WWOX: variants seen among roughly 807,000 people sequenced by gnomAD.
WWOX encodes WW domain containing oxidoreductase.
A neutral mutation model predicts 46.2 loss-of-function variants in WWOX; 69 were observed. That is an observed-to-expected ratio of 1.49 (90% CI 1.23 to 1.82). The LOEUF (loss-of-function observed/expected upper bound fraction) is 1.82, where lower values mean the gene tolerates loss of function less well. WWOX is among the 40% of genes most tolerant of loss of function. WWOX has a pLI of 0.00. For missense variants in WWOX, 919 were observed against 542.6 expected (o/e 1.69, Z -6.89); for synonymous variants, 359 against 202.6 (o/e 1.77, Z -6.56).
intron 8 of WWOX, among the ~76,000 whole-genome samples, chr16:79,021,470 T>C (rs974821112): frequency 6.6e-6 from 1 of 152,174 alleles, no homozygotes; most frequent in Non-Finnish European, 1.5e-5. Context: ...TAAAATACAG[T>C]TGTCAAAATA....
chr16:78,577,282 C>G (rs1159416021), intron 8 of WWOX, among the ~76,000 whole-genome samples: 7 of 152,120 alleles, frequency 4.6e-5, no homozygotes, highest in African/African-American at 7.2e-5. Context: ...GACTTTCTGT[C>G]CAGTTTGTTG....
chr16:78,347,948 G>A (rs11150062), intron 5 of WWOX, among the ~76,000 whole-genome samples: 98,134 of 121,020 alleles, frequency 0.81, 45,373 homozygotes, highest in African/African-American at 0.96. Context: ...ACGGTATGAA[G>A]GCTCGCCTGA....
intron 8 of WWOX, chr16:78,525,340 C>G (rs1465276904): frequency 6.6e-6 from 1 of 151,996 alleles, no homozygotes; most frequent in Non-Finnish European, 1.5e-5. Context: ...CGCCAGCCAC[C>G]ACGCCCGGCT....
intron 8 of WWOX, among the ~76,000 whole-genome samples, chr16:78,521,941 G>A (rs961634585): frequency 2.6e-5 from 4 of 152,060 alleles, no homozygotes; most frequent in African/African-American, 9.7e-5. Flanking sequence ...TGGAGATGGG[G>A]ACAGTGAGTA....
chr16:78,627,125 T>C (rs2046328679), intron 8 of WWOX, among the ~76,000 whole-genome samples: 1 of 152,180 alleles, frequency 6.6e-6, no homozygotes, highest in African/African-American at 2.4e-5. Flanking sequence ...TTGTTTTAAA[T>C]AAAAATCATA....
At chr16:79,062,327 C>A (rs1015808085) in intron 8 of WWOX, among the ~76,000 whole-genome samples, 1 of 152,196 alleles carries the variant, frequency 6.6e-6, no homozygotes, top group African/African-American at 2.4e-5. Flanking sequence ...TTTTAATTAT[C>A]TTCAGTTGGA....
chr16:78,750,309 A>G (rs763371322), intron 8 of WWOX, among the ~76,000 whole-genome samples: 20 of 151,568 alleles, frequency 1.3e-4, no homozygotes, highest in African/African-American at 4.9e-4. Context: ...ACAAAATTTC[A>G]TAGCTGTCTT....
intron 8 of WWOX, among the ~76,000 whole-genome samples, chr16:78,975,822 C>G (rs2046560825): frequency 6.6e-6 from 1 of 152,118 alleles, no homozygotes; most frequent in Non-Finnish European, 1.5e-5. Context: ...TGGGAGGAAA[C>G]AGGCAAGACC....
In WWOX at chr16:78,203,880, C is replaced by G. The variant is rs542904251; in HGVS notation, c.516+39591C>G. On this transcript the variant is annotated intron_variant, in intron 5 of 8. Coordinates refer to ENST00000566780, the MANE Select transcript of WWOX (RefSeq NM_016373.4). ...AAAGGAGACCTTCCCTGGAAAGAGC[C>G]CTGTGCATGGCTTTTGAGAGTGGGC... Among the ~76,000 whole-genome samples, 19 of 152,278 alleles carry G rather than the reference C, an allele frequency of 1.2e-4. No individual in the cohort carries two copies. The South Asian group carries it at 3.9e-3, about 32-fold the overall frequency.
At chr16:79,036,034 G>C (rs955961195) in intron 8 of WWOX, among the ~76,000 whole-genome samples, 5 of 152,000 alleles carry the variant, frequency 3.3e-5, no homozygotes, top group Non-Finnish European at 7.4e-5. Flanking sequence ...AGCATACTCA[G>C]CACAGTCCAC....
chr16:78,602,766 A>G (rs1345566330), intron 8 of WWOX, among the ~76,000 whole-genome samples: 3 of 152,184 alleles, frequency 2.0e-5, no homozygotes, highest in Non-Finnish European at 4.4e-5. Flanking sequence ...AATGGTTTAC[A>G]TGGTTTATCT....
Position 79,037,536 on chromosome 16 carries a change from G to A in WWOX, c.1057-174072G>A, listed in dbSNP as rs183005525. 2.0e-5 allele frequency among the ~76,000 whole-genome samples: 3 copies of A among 152,190 alleles called. No homozygotes were observed. The East Asian group carries it at 5.8e-4, about 29-fold the overall frequency. ...GTCACCTTCCCAAAGTCACACTGCT[G>A]ATGAGTGACAGAGACCACATTTAAA... is the stretch of plus-strand genomic sequence containing the variant. On this transcript the variant is annotated intron_variant, in intron 8 of 8. Transcript: ENST00000566780.
intron 8 of WWOX, among the ~76,000 whole-genome samples, chr16:78,806,312 T>A (rs2051036421): frequency 6.6e-6 from 1 of 152,204 alleles, no homozygotes; most frequent in Non-Finnish European, 1.5e-5. Flanking sequence ...CTTTAGAGTT[T>A]CATTAAAGTT....
At chr16:78,408,365 C>A (rs953889026) in intron 6 of WWOX, among the ~76,000 whole-genome samples, 28 of 152,130 alleles carry the variant, frequency 1.8e-4, no homozygotes, top group African/African-American at 6.8e-4. Context: ...TAATATAAGG[C>A]CCCAGACCCA....
intron 5 of WWOX, among the ~76,000 whole-genome samples, chr16:78,166,225 T>C (rs2034965524): frequency 6.6e-6 from 1 of 152,188 alleles, no homozygotes; most frequent in Non-Finnish European, 1.5e-5. Flanking sequence ...ATAGATCTAC[T>C]TCATTGTTTT....
At chr16:79,006,667 C>G (rs573349555) in intron 8 of WWOX, among the ~76,000 whole-genome samples, 1 of 152,152 alleles carries the variant, frequency 6.6e-6, no homozygotes, top group African/African-American at 2.4e-5. Flanking sequence ...AGGTCTCACT[C>G]GGCTAAGATC....
At chr16:79,015,470 T>C (rs1597279895) in intron 8 of WWOX, among the ~76,000 whole-genome samples, 1 of 152,320 alleles carries the variant, frequency 6.6e-6, no homozygotes, top group Admixed American at 6.5e-5. Context: ...GTCTGCTGCA[T>C]AGTAGGTGCT....
chr16:78,632,469 G>T (rs1486725777), intron 8 of WWOX, among the ~76,000 whole-genome samples: 1 of 151,682 alleles, frequency 6.6e-6, no homozygotes, highest in Admixed American at 6.6e-5. Flanking sequence ...GGCCAAGAAA[G>T]GGGTGGGAGA....
chr16:79,060,959 C>G (rs9972822), intron 8 of WWOX, among the ~76,000 whole-genome samples: 59,599 of 152,112 alleles, frequency 0.39, 13,433 homozygotes, highest in Non-Finnish European at 0.51. Flanking sequence ...GATGGAAAAA[C>G]AAGCACAGAG....
Sources: gnomAD v4.1 joint callset for allele counts (sites outside exome capture counted in the v4.1 genomes callset) on GRCh38, gnomAD v4.1.1 for gene constraint, MANE v1.5 for transcripts, NCBI Gene and HGNC (gene_info 2026-07-23, HGNC 2026-07-21) for gene names.